Variants in SSX1 observed in about 807,000 individuals in gnomAD.
SSX1 encodes the protein protein SSX1.
A neutral mutation model predicts 14.6 loss-of-function variants in SSX1; 58 were observed. The ratio of observed to expected loss-of-function variants is 3.96; its 90% CI spans 3.21 to 4.93. SSX1 has a LOEUF of 4.93. Ranked by LOEUF, SSX1 falls within the 30% of genes most tolerant of loss-of-function variation. The pLI, the probability that SSX1 is intolerant of heterozygous loss-of-function variation, is 0.00. For synonymous variants in SSX1, 46 were observed against 52.1 expected, an observed-to-expected ratio of 0.88 and a Z score of 0.50; for missense variants, 272 against 143.1, an observed-to-expected ratio of 1.90 and a Z score of -4.60.
intron 1 of SSX1, among the ~76,000 whole-genome samples, chrX:48,256,353 T>A (rs782488207): frequency 4.7e-5 from 5 of 107,513 alleles, no homozygotes; most frequent in African/African-American, 1.7e-4. Context: ...TTGGCTAGGC[T>A]GGTATCAACC....
At chrX:48,264,615 G>A (rs1358156246) in intron 6 of SSX1, among the ~76,000 whole-genome samples, 2 of 112,163 alleles carry the variant, frequency 1.8e-5, no homozygotes, top group African/African-American at 6.5e-5. Flanking sequence ...TTGCTGAAGG[G>A]TGGAGTGGCT....
chrX:48,266,065 G>A (rs782113032), intron 6 of SSX1, among the ~76,000 whole-genome samples: 3 of 111,940 alleles, frequency 2.7e-5, no homozygotes, highest in Non-Finnish European at 5.6e-5. Flanking sequence ...TAATCTAAAC[G>A]TCACAACAGA....
rs781962956 is a variant in SSX1 at position 48,257,852 on chromosome X, C to A, written c.176C>A (p.Thr59Asn). ...ATGAAGAGAAACTATAAGGCCATGACTAAACTAGGTAACAGAAAGTTCTAG... is the reference window on the plus strand; with the variant it reads ...ATGAAGAGAAACTATAAGGCCATGAATAAACTAGGTAACAGAAAGTTCTAG... ...VYMKRNYKAM[T>N]KLGFKVTLPP... Residue 59 changes from threonine to asparagine, a missense_variant, in exon 3 of 8, where the codon ACT (threonine) becomes AAT (asparagine). By Grantham distance (65) the Thr-to-Asn change is moderately conservative. Transcript: ENST00000376919. The A allele has an allele frequency of 1.7e-6, 2 of 1,163,561 alleles. No individual in the cohort carries two copies. Among genetic ancestry groups the A allele is most frequent in the East Asian group, 6.0e-5 (2 of 33,476 alleles).
At chrX:48,266,453 G>A in intron 7 of SSX1, 62 bp downstream of exon 7, 1 of 1,203,143 alleles carries the variant, frequency 8.3e-7, no homozygotes, top group Admixed American at 2.2e-5. Context: ...TTATGGTACT[G>A]GTATCCCATC....
rs782294191 is a variant in SSX1, at chrX:48,257,735, AT to A, written c.70-3del. 13 of 1,188,037 alleles carry A rather than the reference AT, an allele frequency of 1.1e-5. No individual in the cohort carries two copies. Among genetic ancestry groups the A allele is most frequent in the South Asian group, 1.1e-4 (6 of 54,975 alleles). On this transcript the variant is annotated splice_polypyrimidine_tract_variant and intron_variant, in intron 2 of 7. Transcript: ENST00000376919. ...CTGAGTCACTGACAAATTTTATTTT[AT>A]TTTTTTTAGGCCTTTGATGATATTG...
chrX:48,266,010 A>G (rs1556936327), intron 6 of SSX1, among the ~76,000 whole-genome samples: 1 of 112,090 alleles, frequency 8.9e-6, no homozygotes, highest in East Asian at 2.8e-4. Context: ...TACGTGCTGA[A>G]TGAAAGGAGG....
chrX:48,259,631 G>A (rs868965742), intron 4 of SSX1, among the ~76,000 whole-genome samples: 13 of 110,452 alleles, frequency 1.2e-4, no homozygotes, highest in Middle Eastern at 4.7e-3. Context: ...TCCCCAGAGT[G>A]TGATGTTCCC....
chrX:48,265,474 A>C (rs1276272916), intron 6 of SSX1, among the ~76,000 whole-genome samples: 4 of 111,912 alleles, frequency 3.6e-5, no homozygotes, highest in African/African-American at 1.3e-4. Context: ...AGAAAAGGAA[A>C]AGAGATGGGG....
intron 6 of SSX1, among the ~76,000 whole-genome samples, chrX:48,266,032 G>A (rs1239191344): frequency 8.9e-6 from 1 of 111,934 alleles, no homozygotes; most frequent in Non-Finnish European, 1.9e-5. Context: ...ATCGGTGAAT[G>A]TTCCCGTAAG....
At chrX:48,261,881 A>C in intron 5 of SSX1, 66 bp downstream of exon 5, 1 of 1,149,809 alleles carries the variant, frequency 8.7e-7, no homozygotes, top group Non-Finnish European at 1.2e-6. Flanking sequence ...AACACTGATA[A>C]GACAGGGAGA....
At chrX:48,265,411 T>G (rs2059619375) in intron 6 of SSX1, among the ~76,000 whole-genome samples, 1 of 111,669 alleles carries the variant, frequency 9.0e-6, no homozygotes, top group Non-Finnish European at 1.9e-5. Context: ...ATTTTAGGAT[T>G]GTTAACTGTC....
chrX:48,265,381 C>T (rs1407279357), intron 6 of SSX1, among the ~76,000 whole-genome samples: 1 of 111,787 alleles, frequency 8.9e-6, no homozygotes, highest in Non-Finnish European at 1.9e-5. Context: ...CTCTTCCTTT[C>T]ATTTGAACAG....
chrX:48,258,288 C>T (rs1373947946), intron 3 of SSX1, among the ~76,000 whole-genome samples: 21 of 102,615 alleles, frequency 2.0e-4, no homozygotes, highest in Admixed American at 2.0e-3. Flanking sequence ...AACTCCTGGG[C>T]TCAAGCAATC....
intron 1 of SSX1, among the ~76,000 whole-genome samples, chrX:48,256,460 T>G (rs1317681036): frequency 3.9e-5 from 3 of 76,051 alleles, no homozygotes; most frequent in Non-Finnish European, 7.8e-5. Context: ...TGGTTGTTTT[T>G]TTTTTTTTTT....
intron 4 of SSX1, among the ~76,000 whole-genome samples, chrX:48,261,358 C>G (rs62601724): frequency 0.038 from 4,243 of 111,929 alleles, 88 homozygotes; most frequent in Non-Finnish European, 0.061. Flanking sequence ...CTAAATCATC[C>G]ATGGTTCATC....
intron 1 of SSX1, among the ~76,000 whole-genome samples, chrX:48,256,995 G>T (rs1462550858): frequency 9.0e-6 from 1 of 110,733 alleles, no homozygotes; most frequent in African/African-American, 3.3e-5. Context: ...AAGACTCAAG[G>T]CTGCTAGGAA....
In SSX1 at chrX:48,257,773, T is replaced by C. The variant is rs1726896967; in HGVS notation, c.97T>C (p.Ser33Pro). The change falls in exon 3 of 8, where the codon TCT becomes CCT. Residue 33 changes from serine (S) to proline (P), a missense_variant. Coordinates refer to ENST00000376919, the MANE Select transcript of SSX1 (RefSeq NM_005635.4). The part of the protein sequence containing the change: ...KAFDDIATYF[S>P]KKEWKKMKYS... ...CTTTGATGATATTGCCACATACTTC[T>C]CTAAGAAAGAGTGGAAAAAGATGAA... 1 of 1,206,716 alleles carries C rather than the reference T, an allele frequency of 8.3e-7. No individual in the cohort carries two copies. The highest frequency in any genetic ancestry group is 1.7e-5 in the African/African-American group (1 of 57,392).
At chrX:48,262,382 A>G (rs2059607149) in intron 5 of SSX1, among the ~76,000 whole-genome samples, 1 of 112,292 alleles carries the variant, frequency 8.9e-6, no homozygotes, top group African/African-American at 3.2e-5. Context: ...TTGTTTATGA[A>G]GTTCAGATGT....
intron 3 of SSX1, among the ~76,000 whole-genome samples, chrX:48,258,194 T>TTTC (rs2059590602): frequency 3.3e-5 from 3 of 90,618 alleles, no homozygotes; most frequent in African/African-American, 1.2e-4. Flanking sequence ...CCTTTTTTTT[T>TTTC]TTTTTTTTTT....
Sources: allele counts gnomAD v4.1 joint callset (sites outside exome capture counted in the v4.1 genomes callset), GRCh38; gene constraint gnomAD v4.1.1; transcripts MANE v1.5; gene names NCBI Gene and HGNC (gene_info 2026-07-23, HGNC 2026-07-21).